TENM2: variants seen among roughly 807,000 people sequenced by gnomAD.
TENM2 encodes teneurin-2.
Under a neutral mutation model 245.2 loss-of-function variants are expected in TENM2, and 52 were observed. The ratio of observed to expected loss-of-function variants is 0.21; its 90% CI spans 0.17 to 0.27. The LOEUF is 0.27. TENM2 is among the 10% of genes least tolerant of loss of function. The pLI is 1.00. For synonymous variants in TENM2, 1,363 were observed against 1,438.9 expected, an observed-to-expected ratio of 0.95 and a Z score of 1.19; for missense variants, 3,046 against 3,666.8, an observed-to-expected ratio of 0.83 and a Z score of 4.37.
At chr5:167,978,862 C>T (rs191883743) in intron 4 of TENM2, among the ~76,000 whole-genome samples, 1 of 152,232 alleles carries the variant, frequency 6.6e-6, no homozygotes, top group Non-Finnish European at 1.5e-5. Flanking sequence ...CAGCGTGTCA[C>T]CCTCTGTATA....
intron 2 of TENM2, among the ~76,000 whole-genome samples, chr5:167,772,279 A>T (rs927222743): frequency 2.6e-5 from 4 of 152,232 alleles, no homozygotes; most frequent in Admixed American, 6.5e-5. Context: ...AAAATATTAT[A>T]ATAATTGCTG....
intron 2 of TENM2, among the ~76,000 whole-genome samples, chr5:167,844,908 T>C (rs907631206): frequency 2.6e-5 from 4 of 151,976 alleles, no homozygotes; most frequent in African/African-American, 9.7e-5. Flanking sequence ...ATTTCTATCT[T>C]TCTCTTTTAG....
chr5:167,201,091 AT>A, the TENM2 span, among the ~76,000 whole-genome samples: 2 of 152,008 alleles, frequency 1.3e-5, no homozygotes, highest in African/African-American at 4.8e-5. Context: ...TCTTTCGAAT[AT>A]TTTTTTCTTC....
At chr5:167,406,701 A>C (rs1762654908) in intron 2 of TENM2, among the ~76,000 whole-genome samples, 1 of 152,162 alleles carries the variant, frequency 6.6e-6, no homozygotes, top group Non-Finnish European at 1.5e-5. Context: ...TTGTATAAGT[A>C]CTGAAGCAAG....
chr5:167,457,157 T>C (rs1457991705), intron 2 of TENM2, among the ~76,000 whole-genome samples: 2 of 152,144 alleles, frequency 1.3e-5, no homozygotes, highest in Non-Finnish European at 2.9e-5. Flanking sequence ...TCTAAAATCA[T>C]AAGAAAGTAG....
At chr5:167,589,762 T>C (rs1209875587) in intron 2 of TENM2, among the ~76,000 whole-genome samples, 1 of 152,006 alleles carries the variant, frequency 6.6e-6, no homozygotes, top group East Asian at 1.9e-4. Flanking sequence ...AATTCTCTTA[T>C]GCATTAAATA....
chr5:167,516,883 C>CT (rs1770416929), intron 2 of TENM2, among the ~76,000 whole-genome samples: 1 of 152,168 alleles, frequency 6.6e-6, no homozygotes, highest in African/African-American at 2.4e-5. Context: ...GCTCAAAACA[C>CT]TGTGGTATTT....
At chr5:168,233,749 GACTT>G (rs1265826239) in intron 25 of TENM2, among the ~76,000 whole-genome samples, 3 of 152,130 alleles carry the variant, frequency 2.0e-5, no homozygotes, top group Non-Finnish European at 4.4e-5. Context: ...AGTTTAATTG[GACTT>G]ACTTACAGTT....
chr5:167,460,206 G>A lies in TENM2; in HGVS notation c.502+84733G>A, dbSNP rs371176208. ...CTAGCCTGAAATTTTTCCCAATGCA[G>A]CAGCCCATCCAATCTCTAAAGCGCA... On this transcript the variant is annotated intron_variant, in intron 2 of 28. Transcript: ENST00000518659. Among the ~76,000 whole-genome samples the A allele has an allele frequency of 5.9e-5, 9 of 152,068 alleles. No homozygotes were observed. The East Asian group carries it at 7.7e-4, about 13-fold the overall frequency.
At chr5:167,101,137 T>C in the TENM2 span, among the ~76,000 whole-genome samples, 1 of 152,234 alleles carries the variant, frequency 6.6e-6, no homozygotes, top group Non-Finnish European at 1.5e-5. Flanking sequence ...TTACAGTTGA[T>C]GAATTTGATT....
chr5:167,879,506 A>G (rs889626074), intron 3 of TENM2, among the ~76,000 whole-genome samples: 1 of 152,140 alleles, frequency 6.6e-6, no homozygotes, highest in Non-Finnish European at 1.5e-5. Context: ...AAAAATCTAG[A>G]TCCCAGCAGC....
intron 25 of TENM2, chr5:168,241,174 A>C (rs1424755125): frequency 6.6e-6 from 1 of 152,166 alleles, no homozygotes; most frequent in Non-Finnish European, 1.5e-5. Context: ...TTCCACTTGA[A>C]GTTAGGGTTC....
intron 2 of TENM2, among the ~76,000 whole-genome samples, chr5:167,581,992 G>C (rs542624562): frequency 3.9e-5 from 6 of 152,036 alleles, no homozygotes; most frequent in African/African-American, 1.4e-4. Context: ...TACATGTCTT[G>C]CCTCATCAGG....
At chr5:167,471,536 A>T (rs1767027863) in intron 2 of TENM2, among the ~76,000 whole-genome samples, 1 of 152,248 alleles carries the variant, frequency 6.6e-6, no homozygotes, top group African/African-American at 2.4e-5. Context: ...TCTTCAATAA[A>T]AAAAATCAGT....
At chr5:167,669,358 A>G (rs1755779959) in intron 2 of TENM2, among the ~76,000 whole-genome samples, 1 of 130,606 alleles carries the variant, frequency 7.7e-6, no homozygotes, top group South Asian at 2.9e-4. Flanking sequence ...GATTTGGTGT[A>G]TATAGTTTTG....
intron 13 of TENM2, among the ~76,000 whole-genome samples, chr5:168,190,068 C>T (rs1481039421): frequency 6.6e-6 from 1 of 152,126 alleles, no homozygotes; most frequent in Non-Finnish European, 1.5e-5. Context: ...GTAGAAATTC[C>T]AGAAAAGCAC....
Position 168,244,646 on chromosome 5 carries a change from A to G in TENM2, c.5747A>G (p.Asp1916Gly), listed in dbSNP as rs1766389596. The G allele has an allele frequency of 1.3e-6, 2 of 1,564,500 alleles. No individual in the cohort carries two copies. Among genetic ancestry groups the G allele is most frequent in the Non-Finnish European group, 1.7e-6 (2 of 1,148,544 alleles). Reference sequence around the variant, plus strand: ...GCCATGAGCGAGAGGACAGACATCGACAAGCAAGGCCGCATCGTGTCCCGC... The same window carrying G: ...GCCATGAGCGAGAGGACAGACATCGGCAAGCAAGGCCGCATCGTGTCCCGC... The change falls in exon 26 of 29, where the codon GAC (aspartate) becomes GGC (glycine). Residue 1916 changes from aspartate (D) to glycine (G), a missense_variant. Physicochemically the swap from Asp to Gly is moderately conservative, Grantham distance 94. Coordinates refer to ENST00000518659, the Ensembl canonical transcript of TENM2. The surrounding 1 kb of genome is among the most constrained non-coding windows in gnomAD (Gnocchi z 4.9).
the TENM2 span, among the ~76,000 whole-genome samples, chr5:167,020,262 T>C: frequency 6.6e-6 from 1 of 152,340 alleles, no homozygotes; most frequent in East Asian, 1.9e-4. Flanking sequence ...GACCTAGATG[T>C]CAACATTCCA....
the TENM2 span, among the ~76,000 whole-genome samples, chr5:167,077,292 G>T: frequency 6.6e-6 from 1 of 152,092 alleles, no homozygotes; most frequent in Non-Finnish European, 1.5e-5. Context: ...AATGGAGAAA[G>T]GAACAGCTAT....
Sources: allele counts gnomAD v4.1 joint callset (sites outside exome capture counted in the v4.1 genomes callset), GRCh38; gene constraint gnomAD v4.1.1; non-coding constraint Gnocchi (gnomAD v3.1); transcripts MANE v1.5; gene names NCBI Gene and HGNC (gene_info 2026-07-23, HGNC 2026-07-21).